Variants in EPHA6 observed in about 807,000 individuals in gnomAD.
EPHA6 encodes the protein EPH receptor A6.
In EPHA6, 50 loss-of-function variants were observed where a neutral mutation model predicts 112.0. The ratio of observed to expected loss-of-function variants is 0.45; its 90% CI spans 0.36 to 0.56. The LOEUF is 0.56. Ranked by LOEUF, EPHA6 falls within the 20% of genes least tolerant of loss-of-function variation. EPHA6 has a pLI of 0.00. For synonymous variants in EPHA6, 529 were observed against 490.7 expected (o/e 1.08, Z -1.03); for missense variants, 1,280 against 1,417.4 (o/e 0.90, Z 1.56).
intron 12 of EPHA6, among the ~76,000 whole-genome samples, 191 bp downstream of exon 12, chr3:97,592,928 G>T (rs865837631): frequency 1.3e-5 from 2 of 152,182 alleles, no homozygotes; most frequent in South Asian, 2.1e-4. Flanking sequence ...GAAGTGAAAG[G>T]ACTCTGCGCA....
chr3:97,066,878 T>C (rs746071909), intron 3 of EPHA6, among the ~76,000 whole-genome samples: 40 of 152,090 alleles, frequency 2.6e-4, no homozygotes, highest in Admixed American at 6.6e-5. Flanking sequence ...TATCCAGAGA[T>C]AATTAAAAAG....
chr3:97,707,194 C>T (rs561252925), intron 14 of EPHA6, among the ~76,000 whole-genome samples: 15 of 152,230 alleles, frequency 9.9e-5, no homozygotes, highest in East Asian at 7.7e-4. Context: ...TTTCATTTTA[C>T]ACCACTTTCC....
At chr3:97,487,792 C>T (rs757075845) in intron 10 of EPHA6, among the ~76,000 whole-genome samples, 5 of 152,078 alleles carry the variant, frequency 3.3e-5, no homozygotes, top group Non-Finnish European at 7.4e-5. Context: ...GTGAGCAGCT[C>T]TGTTGCATAG....
chr3:97,484,114 G>A, intron 10 of EPHA6, 55 bp downstream of exon 10: 1 of 1,517,020 alleles, frequency 6.6e-7, no homozygotes, highest in Non-Finnish European at 8.8e-7. Context: ...CTTTGTAACT[G>A]GTTTATCAAC....
Position 97,028,139 on chromosome 3 carries a change from G to C in EPHA6, c.1114+40146G>C, listed in dbSNP as rs1576349410. ...CAATACTTGACTGGACCATCTAGAA[G>C]TGACTGAAGAAACTGGTTTTGTTTA... On this transcript the variant is annotated intron_variant, in intron 3 of 17. Transcript: ENST00000389672. Among the ~76,000 whole-genome samples, 3 of 152,262 alleles carry C rather than the reference G, an allele frequency of 2.0e-5. No homozygotes were observed. In the East Asian group the frequency reaches 5.8e-4, roughly 29 times the overall value.
At position 97,506,810 on chromosome 3, in the gene EPHA6, T is replaced by G. The variant is rs187610097; in HGVS notation, c.2200+22751T>G. Among the ~76,000 whole-genome samples the G allele has an allele frequency of 2.0e-3, 298 of 152,338 alleles. 1 individual carries two copies. The highest frequency in any genetic ancestry group is 6.6e-3 in the African/African-American group (274 of 41,582). On this transcript the variant is annotated intron_variant, in intron 10 of 17. Transcript: ENST00000389672. ...ATTCTTCCTATTCATGAGCATGGAATGTTTTTCCATTTGTTTGTGTCCTCT... is the reference window on the plus strand; with the variant it reads ...ATTCTTCCTATTCATGAGCATGGAAGGTTTTTCCATTTGTTTGTGTCCTCT...
At chr3:97,432,211 A>C (rs904737810) in intron 6 of EPHA6, among the ~76,000 whole-genome samples, 7 of 152,124 alleles carry the variant, frequency 4.6e-5, no homozygotes, top group Admixed American at 4.6e-4. Context: ...GTTCTGGGAG[A>C]TTAATTTACT....
intron 2 of EPHA6, among the ~76,000 whole-genome samples, chr3:96,937,872 C>T (rs913793199): frequency 6.6e-6 from 1 of 152,164 alleles, no homozygotes. Context: ...GGAATCCTTT[C>T]CCCATTGCTT....
intron 3 of EPHA6, among the ~76,000 whole-genome samples, chr3:97,194,828 G>T (rs1028454533): frequency 6.6e-6 from 1 of 151,778 alleles, no homozygotes; most frequent in Non-Finnish European, 1.5e-5. Context: ...GACTATCTTT[G>T]TTCTTTTCAT....
intron 6 of EPHA6, among the ~76,000 whole-genome samples, chr3:97,415,432 A>G (rs2088049713): frequency 6.6e-6 from 1 of 152,076 alleles, no homozygotes. Context: ...TCTAAAAGAT[A>G]TAGTTGAAGG....
At chr3:97,248,407 T>C (rs2079041320) in intron 5 of EPHA6, among the ~76,000 whole-genome samples, 1 of 151,988 alleles carries the variant, frequency 6.6e-6, no homozygotes, top group Admixed American at 6.6e-5. Context: ...AGGTGTGTAG[T>C]TCAGTAAAAA....
At chr3:97,502,723 A>T (rs903187194) in intron 10 of EPHA6, among the ~76,000 whole-genome samples, 2 of 148,020 alleles carry the variant, frequency 1.4e-5, no homozygotes, top group Non-Finnish European at 3.0e-5. Context: ...AGTCCCAGCC[A>T]CTTGGGAGGC....
At chr3:97,728,720 T>C (rs767188810) in intron 15 of EPHA6, among the ~76,000 whole-genome samples, 8 of 152,162 alleles carry the variant, frequency 5.3e-5, no homozygotes, top group Non-Finnish European at 1.2e-4. Context: ...AGTCAGAGAC[T>C]TGCCCAAAGG....
At chr3:96,988,508 A>G (rs184563431) in intron 3 of EPHA6, among the ~76,000 whole-genome samples, 110 of 152,312 alleles carry the variant, frequency 7.2e-4, no homozygotes, top group East Asian at 9.6e-4. Context: ...AAAGACAGCA[A>G]TAATTATTTC....
chr3:97,424,213 A>T (rs1293965829), intron 6 of EPHA6, among the ~76,000 whole-genome samples: 1 of 152,178 alleles, frequency 6.6e-6, no homozygotes, highest in African/African-American at 2.4e-5. Context: ...CAGTACCATG[A>T]GAACAGTATG....
rs941415908 is a variant in EPHA6, at chr3:97,549,508, C to G, written c.2386+16965C>G. Among the ~76,000 whole-genome samples, 9 of 152,224 alleles carry G rather than the reference C, an allele frequency of 5.9e-5. No homozygotes were observed. In the East Asian group the frequency reaches 1.5e-3, roughly 26 times the overall value. On this transcript the variant is annotated intron_variant, in intron 11 of 17. Transcript: ENST00000389672. ...AAAGGATCTGCTTCATTGGAGGCAG[C>G]AAGACTAACAAAACTTGAAGAAGGG...
chr3:96,877,212 A>C (rs890454340), intron 2 of EPHA6, among the ~76,000 whole-genome samples: 33 of 152,268 alleles, frequency 2.2e-4, no homozygotes, highest in African/African-American at 7.7e-4. Context: ...TGGTTGTGAA[A>C]ATTGAACTGT....
intron 14 of EPHA6, among the ~76,000 whole-genome samples, chr3:97,652,349 C>G (rs1295862327): frequency 1.3e-5 from 2 of 151,996 alleles, no homozygotes; most frequent in Admixed American, 6.6e-5. Context: ...ATGCTGTTTG[C>G]AACAGACCCT....
chr3:97,044,919 C>G (rs888084749), intron 3 of EPHA6, among the ~76,000 whole-genome samples: 1 of 151,876 alleles, frequency 6.6e-6, no homozygotes, highest in Non-Finnish European at 1.5e-5. Context: ...TTGTTTAACT[C>G]AAATAAAAAT....
Sources: allele counts gnomAD v4.1 joint callset (sites outside exome capture counted in the v4.1 genomes callset), GRCh38; gene constraint gnomAD v4.1.1; transcripts MANE v1.5; gene names NCBI Gene and HGNC (gene_info 2026-07-23, HGNC 2026-07-21).